The following TXNRD2 variants were observed in gnomAD, a reference collection of about 807,000 sequenced individuals.
The protein encoded by TXNRD2 is thioredoxin reductase 2.
A neutral mutation model predicts 70.8 loss-of-function variants in TXNRD2; 67 were observed. That is an observed-to-expected ratio of 0.95 (90% confidence interval 0.78 to 1.16). The LOEUF (loss-of-function observed/expected upper bound fraction) is 1.16. TXNRD2 is among the 50% of genes most tolerant of loss of function. The pLI, the probability that TXNRD2 is intolerant of heterozygous loss-of-function variation, is 0.00. For synonymous variants in TXNRD2, 301 were observed against 295.8 expected (o/e 1.02, Z -0.18); for missense variants, 644 against 719.9 (o/e 0.89, Z 1.21).
intron 8 of TXNRD2, among the ~76,000 whole-genome samples, chr22:19,908,270 C>T (rs914832539): frequency 1.3e-5 from 2 of 151,944 alleles, no homozygotes; most frequent in African/African-American, 2.4e-5. Context: ...TGTTTTGTGT[C>T]TTATCAAAAA....
intron 17 of TXNRD2, chr22:19,876,105 CG>C: frequency 1.3e-5 from 2 of 152,524 alleles, no homozygotes; most frequent in Non-Finnish European, 2.9e-5. Context: ...GCGGCCCCGC[CG>C]GGGGGAGGCG....
At position 19,929,326 on chromosome 22, in the gene TXNRD2, C is replaced by CAA. The variant is rs34528546; in HGVS notation, c.172+1702_172+1703dup. Among the ~76,000 whole-genome samples, 71 of 84,376 alleles carry CAA rather than the reference C, an allele frequency of 8.4e-4. 1 individual carries two copies. The highest frequency in any genetic ancestry group is 3.2e-3 in the Admixed American group (25 of 7,762). The allele number at this position is 84,376 out of a possible 152,430, so 55.4% of individuals were successfully genotyped here. A position where few individuals can be genotyped will look rare whatever the true frequency, so the allele number is the denominator to read the frequency against. ...TGGGCAACAGAGCGAGACTCCATCT[C>CAA]AAAAAAAAAAAAAAAAAAATTAGGC... On this transcript the variant is annotated intron_variant, in intron 2 of 17. Coordinates refer to ENST00000400521, the MANE Select transcript of TXNRD2 (RefSeq NM_006440.5).
intron 1 of TXNRD2, among the ~76,000 whole-genome samples, chr22:19,940,942 A>G (rs1941690241): frequency 2.0e-5 from 3 of 151,986 alleles, no homozygotes; most frequent in Admixed American, 6.5e-5. Flanking sequence ...GCCAGCCACC[A>G]TGCCTCCCAT....
chr22:19,940,266 A>AC (rs1166236581), intron 1 of TXNRD2, among the ~76,000 whole-genome samples: 1 of 147,892 alleles, frequency 6.8e-6, no homozygotes, highest in Non-Finnish European at 1.5e-5. Context: ...AAAAAAAAAA[A>AC]CCCCAAAAAA....
intron 10 of TXNRD2, among the ~76,000 whole-genome samples, chr22:19,897,091 A>G (rs994113182): frequency 6.6e-6 from 1 of 151,872 alleles, no homozygotes; most frequent in Non-Finnish European, 1.5e-5. Context: ...CTTCCTAGAC[A>G]CTGCGTCCCT....
At chr22:19,885,941 A>C (rs140633217) in intron 11 of TXNRD2, among the ~76,000 whole-genome samples, 11 of 152,396 alleles carry the variant, frequency 7.2e-5, no homozygotes, top group Middle Eastern at 3.4e-3. Context: ...TAGGTGGCCC[A>C]TCCAAAGCCA....
At chr22:19,879,812 C>T (rs901209362) in intron 14 of TXNRD2, among the ~76,000 whole-genome samples, 7 of 151,916 alleles carry the variant, frequency 4.6e-5, no homozygotes, top group East Asian at 1.9e-4. Flanking sequence ...CGGGTGGCAC[C>T]GTGGTGGTGA....
intron 8 of TXNRD2, chr22:19,903,042 C>T (rs1427559224): frequency 1.9e-6 from 1 of 518,558 alleles, no homozygotes; most frequent in Non-Finnish European, 3.8e-6. Context: ...CTCTTGGAGC[C>T]CCAGGAGTGC....
At chr22:19,933,843 C>T (rs1941450730) in intron 1 of TXNRD2, among the ~76,000 whole-genome samples, 1 of 152,220 alleles carries the variant, frequency 6.6e-6, no homozygotes, top group African/African-American at 2.4e-5. Flanking sequence ...CCTTGCCTTT[C>T]ACCCACTTTA....
chr22:19,905,293 C>T (rs923845019), intron 8 of TXNRD2, among the ~76,000 whole-genome samples: 2 of 152,134 alleles, frequency 1.3e-5, no homozygotes, highest in African/African-American at 2.4e-5. Flanking sequence ...CAATAACATA[C>T]CTAGATTCCT....
intron 2 of TXNRD2, among the ~76,000 whole-genome samples, chr22:19,928,323 G>T (rs996396629): frequency 1.9e-4 from 29 of 152,188 alleles, no homozygotes; most frequent in African/African-American, 7.0e-4. Context: ...AACAATTCAA[G>T]TGTCCAGCTA....
At chr22:19,941,244 G>C (rs1164260699) in intron 1 of TXNRD2, among the ~76,000 whole-genome samples, 1 of 152,164 alleles carries the variant, frequency 6.6e-6, no homozygotes, top group Admixed American at 6.5e-5. Flanking sequence ...TTATTGTCCT[G>C]ATTTAGTTAA....
intron 4 of TXNRD2, 83 bp downstream of exon 4, chr22:19,918,777 G>C: frequency 6.5e-7 from 1 of 1,539,152 alleles, no homozygotes; most frequent in Non-Finnish European, 8.9e-7. Flanking sequence ...CCCCATGAGG[G>C]CTCATCGAGG....
chr22:19,920,326 C>T (rs890535144), intron 2 of TXNRD2, among the ~76,000 whole-genome samples: 1 of 152,216 alleles, frequency 6.6e-6, no homozygotes, highest in Admixed American at 6.5e-5. Context: ...ACCTGTTATC[C>T]CAGCACTTTG....
At chr22:19,897,889 C>A (rs1939582574) in intron 10 of TXNRD2, 150 bp downstream of exon 10, 1 of 692,470 alleles carries the variant, frequency 1.4e-6, no homozygotes, top group East Asian at 2.7e-5. Context: ...CTGCATATTT[C>A]CTGGACAACC....
chr22:19,920,075 G>A (rs1940838909), intron 2 of TXNRD2, among the ~76,000 whole-genome samples: 1 of 152,150 alleles, frequency 6.6e-6, no homozygotes, highest in Non-Finnish European at 1.5e-5. Context: ...CCCAGCCAGA[G>A]CCCCCTAGGT....
At chr22:19,878,222 G>T (rs757982437) in intron 15 of TXNRD2, 35 bp from the exon 16 acceptor site, 9 of 1,602,920 alleles carry the variant, frequency 5.6e-6, no homozygotes, top group Non-Finnish European at 7.7e-6. Flanking sequence ...CAGCCCAGGA[G>T]GGGGCTGGGT....
At chr22:19,883,494 T>C in intron 11 of TXNRD2, 33 bp from the exon 12 acceptor site, 3 of 1,613,696 alleles carry the variant, frequency 1.9e-6, no homozygotes, top group Non-Finnish European at 2.5e-6. Flanking sequence ...TGAAAGGTTA[T>C]CTTCAGTGGC....
chr22:19,908,085 CGTGGGTAGCA>C, intron 8 of TXNRD2, among the ~76,000 whole-genome samples: 1 of 112,640 alleles, frequency 8.9e-6, no homozygotes. Context: ...GTGTGGGCGC[CGTGGGTAGCA>C]GTGACTGCTC....
Sources: allele counts gnomAD v4.1 joint callset (sites outside exome capture counted in the v4.1 genomes callset), GRCh38; gene constraint gnomAD v4.1.1; transcripts MANE v1.5; gene names NCBI Gene and HGNC (gene_info 2026-07-23, HGNC 2026-07-21).